The following DAB1 variants were observed in gnomAD, a reference collection of about 807,000 sequenced individuals.
DAB1 encodes disabled homolog 1.
A neutral mutation model predicts 64.6 loss-of-function variants in DAB1; 15 were observed. The observed-to-expected ratio is 0.23, with a 90% CI of 0.16 to 0.36. The LOEUF is 0.36. DAB1 is among the 10% of genes least tolerant of loss of function. DAB1 has a pLI of 1.00. For missense variants in DAB1, 596 were observed against 706.7 expected (o/e 0.84, Z 1.78); for synonymous variants, 235 against 251.9 (o/e 0.93, Z 0.64).
chr1:57,535,888 A>G (rs1221161391), intron 7 of DAB1, among the ~76,000 whole-genome samples: 2 of 152,296 alleles, frequency 1.3e-5, no homozygotes, highest in East Asian at 1.9e-4. Context: ...TGAAATCCAA[A>G]AGATAAAACT....
chr1:58,044,142 T>C (rs1647190268), intron 5 of DAB1, among the ~76,000 whole-genome samples: 1 of 152,200 alleles, frequency 6.6e-6, no homozygotes, highest in Non-Finnish European at 1.5e-5. Flanking sequence ...GCTTCCTTCT[T>C]TTTGAGTTTC....
intron 1 of DAB1, among the ~76,000 whole-genome samples, chr1:57,839,272 A>C (rs909950160): frequency 6.6e-6 from 1 of 152,228 alleles, no homozygotes; most frequent in Non-Finnish European, 1.5e-5. Context: ...CCTTTAAAAA[A>C]TGGAAATGAA....
At chr1:57,069,758 C>T (rs1165139811) in intron 7 of DAB1, among the ~76,000 whole-genome samples, 1 of 152,154 alleles carries the variant, frequency 6.6e-6, no homozygotes, top group Non-Finnish European at 1.5e-5. Context: ...AGAATGCTAT[C>T]TCACTGGAAT....
At chr1:57,789,084 G>A (rs563937456) in intron 6 of DAB1, among the ~76,000 whole-genome samples, 18 of 152,124 alleles carry the variant, frequency 1.2e-4, no homozygotes, top group South Asian at 2.1e-4. Context: ...GCTTTGGAAG[G>A]ATTGAGAGCT....
At chr1:58,100,564 C>T (rs1339778139) in intron 5 of DAB1, among the ~76,000 whole-genome samples, 1 of 152,122 alleles carries the variant, frequency 6.6e-6, no homozygotes, top group Non-Finnish European at 1.5e-5. Context: ...GCTTTCAGTT[C>T]TTTTGAGTAT....
At chr1:57,967,836 T>C (rs1361831223) in intron 5 of DAB1, among the ~76,000 whole-genome samples, 3 of 152,144 alleles carry the variant, frequency 2.0e-5, no homozygotes, top group Non-Finnish European at 1.5e-5. Context: ...TGGTGAATGA[T>C]TATTATAAGG....
intron 2 of DAB1, among the ~76,000 whole-genome samples, chr1:57,155,668 T>C (rs1660144681): frequency 6.6e-6 from 1 of 151,918 alleles, no homozygotes; most frequent in Admixed American, 6.6e-5. Context: ...TCTTCCACCC[T>C]ATGAACATGG....
intron 5 of DAB1, among the ~76,000 whole-genome samples, chr1:57,913,455 A>G (rs1644678622): frequency 6.6e-6 from 1 of 152,254 alleles, no homozygotes; most frequent in Non-Finnish European, 1.5e-5. Flanking sequence ...AAGATGGATT[A>G]AAGACTTAAA....
intron 7 of DAB1, among the ~76,000 whole-genome samples, chr1:57,490,766 G>C (rs1275435183): frequency 6.6e-6 from 1 of 152,204 alleles, no homozygotes; most frequent in African/African-American, 2.4e-5. Context: ...AACAAGGCCA[G>C]GGCTTTAAAT....
chr1:57,906,837 A>C lies in DAB1; in HGVS notation n.388-22675T>G, dbSNP rs1433476038. 2.6e-5 allele frequency among the ~76,000 whole-genome samples: 4 copies of C among 152,142 alleles called. No individual in the cohort carries two copies. In the East Asian group the frequency reaches 7.7e-4, roughly 29 times the overall value. ...AAATTCTGCCCTTCTCTTGGTGCTC[A>C]ATAAATATTTGTGGAATGGATAAAT... On this transcript the variant is annotated intron_variant and non_coding_transcript_variant, in intron 5 of 20. Coordinates refer to the DAB1 transcript ENST00000485760.
At chr1:57,326,475 T>C (rs1000737579) in intron 1 of DAB1, among the ~76,000 whole-genome samples, 2 of 152,168 alleles carry the variant, frequency 1.3e-5, no homozygotes, top group Non-Finnish European at 2.9e-5. Context: ...GCAGGATTTC[T>C]CAGAGCCTTT....
At chr1:57,125,182 A>G (rs1406719253) in intron 4 of DAB1, among the ~76,000 whole-genome samples, 1 of 152,120 alleles carries the variant, frequency 6.6e-6, no homozygotes, top group Non-Finnish European at 1.5e-5. Flanking sequence ...TTCCGTATAC[A>G]TGCTCCAGGA....
At chr1:57,387,454 C>G (rs140901361) in intron 1 of DAB1, 2 of 147,708 alleles carry the variant, frequency 1.4e-5, no homozygotes, top group Non-Finnish European at 3.0e-5. Flanking sequence ...TGCCAAACCA[C>G]GTTTTGTGTA....
chr1:57,946,871 C>G (rs1645191752), intron 5 of DAB1, among the ~76,000 whole-genome samples: 1 of 152,168 alleles, frequency 6.6e-6, no homozygotes, highest in Non-Finnish European at 1.5e-5. Flanking sequence ...CTGCAGGGAC[C>G]CCATATGATA....
intron 5 of DAB1, among the ~76,000 whole-genome samples, chr1:57,971,678 A>G (rs1037945676): frequency 1.3e-5 from 2 of 152,232 alleles, no homozygotes; most frequent in African/African-American, 4.8e-5. Context: ...GAATTCTGTC[A>G]AAGGCATATA....
intron 4 of DAB1, among the ~76,000 whole-genome samples, chr1:57,135,595 T>A (rs576650378): frequency 6.6e-6 from 1 of 152,330 alleles, no homozygotes; most frequent in Non-Finnish European, 1.5e-5. Flanking sequence ...TATTACTAGT[T>A]ATTTAGGAGT....
intron 7 of DAB1, among the ~76,000 whole-genome samples, chr1:57,638,219 T>C (rs1229816367): frequency 6.6e-6 from 1 of 152,116 alleles, no homozygotes; most frequent in Non-Finnish European, 1.5e-5. Flanking sequence ...CATGAATACA[T>C]AAATAATCAA....
At chr1:58,249,677 A>G (rs1338951317) in intron 4 of DAB1, among the ~76,000 whole-genome samples, 1 of 152,120 alleles carries the variant, frequency 6.6e-6, no homozygotes, top group African/African-American at 2.4e-5. Flanking sequence ...AGCCAGCCAG[A>G]GTCCAGTCGT....
chr1:58,341,845 C>T (rs1643941564), intron 4 of DAB1, among the ~76,000 whole-genome samples: 1 of 152,146 alleles, frequency 6.6e-6, no homozygotes. Flanking sequence ...TATTTTATTA[C>T]CACTTTCTCT....
Sources: allele counts gnomAD v4.1 joint callset (sites outside exome capture counted in the v4.1 genomes callset), GRCh38; gene constraint gnomAD v4.1.1; transcripts MANE v1.5; gene names NCBI Gene and HGNC (gene_info 2026-07-23, HGNC 2026-07-21).